Variants in LHFPL3 observed in about 807,000 individuals in gnomAD.
The protein encoded by LHFPL3 is LHFPL tetraspan subfamily member 3, also known as LHFPL tetraspan subfamily member 3 protein.
LHFPL3 carries 5 observed loss-of-function variants against 19.3 expected under a neutral mutation model. That is an observed-to-expected ratio of 0.26 (90% CI 0.14 to 0.54). The LOEUF is 0.54. LHFPL3 is among the 20% of genes least tolerant of loss of function. The pLI, the probability that LHFPL3 is intolerant of heterozygous loss-of-function variation, is 0.94. For missense variants in LHFPL3, 249 were observed against 307.4 expected (o/e 0.81, Z 1.42); for synonymous variants, 133 against 126.2 (o/e 1.05, Z -0.36).
At chr7:104,441,826 G>A (rs765312238) in intron 1 of LHFPL3, among the ~76,000 whole-genome samples, 14 of 152,090 alleles carry the variant, frequency 9.2e-5, no homozygotes, top group African/African-American at 2.4e-4. Context: ...CGCCCACCTC[G>A]GCCTCCCTAA....
intron 2 of LHFPL3, among the ~76,000 whole-genome samples, chr7:104,812,403 A>T (rs558869147): frequency 6.6e-6 from 1 of 152,228 alleles, no homozygotes; most frequent in Non-Finnish European, 1.5e-5. Flanking sequence ...ACATGGATGA[A>T]CCTTACAATG....
chr7:104,824,714 TTA>T lies in LHFPL3; in HGVS notation c.683-81463_683-81462del, dbSNP rs1372936461. Among the ~76,000 whole-genome samples, 229 of 101,910 alleles carry T rather than the reference TTA, an allele frequency of 2.2e-3. 5 individuals are homozygous for T. In the East Asian group the frequency reaches 0.029, roughly 13 times the overall value. 66.9% of individuals were successfully genotyped at this position (101,910 alleles called of 152,430 possible). ...TATATTATATATATTATATATATAATTATATATATATTTTTTGAAACAGAAGT... is the reference window on the plus strand; with the variant it reads ...TATATTATATATATTATATATATAATTATATATATTTTTTGAAACAGAAGT... On this transcript the variant is annotated intron_variant, in intron 2 of 2. Transcript: ENST00000424859.
intron 1 of LHFPL3, among the ~76,000 whole-genome samples, chr7:104,570,655 T>C (rs181803261): frequency 6.6e-6 from 1 of 152,346 alleles, no homozygotes; most frequent in African/African-American, 2.4e-5. Flanking sequence ...CTATCATCAG[T>C]GTCCATCCAC....
chr7:104,489,869 G>A (rs997730846), intron 1 of LHFPL3, among the ~76,000 whole-genome samples: 1 of 152,130 alleles, frequency 6.6e-6, no homozygotes, highest in Non-Finnish European at 1.5e-5. Flanking sequence ...GCGTGTGGCT[G>A]GGTACAAACA....
chr7:104,441,269 C>T (rs1792219261), intron 1 of LHFPL3, among the ~76,000 whole-genome samples: 2 of 152,086 alleles, frequency 1.3e-5, no homozygotes. Context: ...TTACATGCCT[C>T]ATATAAGTGA....
intron 1 of LHFPL3, among the ~76,000 whole-genome samples, chr7:104,692,629 G>A (rs1296682687): frequency 6.6e-6 from 1 of 152,244 alleles, no homozygotes; most frequent in East Asian, 1.9e-4. Context: ...TTCAGAGGGT[G>A]CAAGCCCCAA....
chr7:104,770,662 A>C (rs1428709663), intron 2 of LHFPL3, among the ~76,000 whole-genome samples: 3 of 152,142 alleles, frequency 2.0e-5, no homozygotes, highest in Non-Finnish European at 2.9e-5. Context: ...CCCATTGTGG[A>C]CATCAGTAAT....
intron 1 of LHFPL3, among the ~76,000 whole-genome samples, chr7:104,501,322 T>C (rs1226314376): frequency 6.6e-6 from 1 of 152,202 alleles, no homozygotes; most frequent in Non-Finnish European, 1.5e-5. Context: ...TTAAAAGCTA[T>C]TAAGTAAGAT....
Position 104,517,655 on chromosome 7 carries a change from C to T in LHFPL3, c.445+188431C>T, listed in dbSNP as rs62485135. Among the ~76,000 whole-genome samples, 1,081 of 151,954 alleles carry T rather than the reference C, an allele frequency of 7.1e-3. 18 individuals carry two copies. The East Asian group carries it at 0.076, about 11-fold the overall frequency. On this transcript the variant is annotated intron_variant, in intron 1 of 2. Coordinates refer to ENST00000424859, the MANE Select transcript of LHFPL3 (RefSeq NM_199000.3). ...CTGAATAATTGGGCTTACAGGCGCCCACCACCATGCCAGGCTAATTTTTTG... is the reference window on the plus strand; with the variant it reads ...CTGAATAATTGGGCTTACAGGCGCCTACCACCATGCCAGGCTAATTTTTTG...
intron 1 of LHFPL3, among the ~76,000 whole-genome samples, chr7:104,639,121 A>T (rs1459123511): frequency 6.6e-6 from 1 of 152,084 alleles, no homozygotes; most frequent in Non-Finnish European, 1.5e-5. Context: ...GAATTTTTAC[A>T]TCAATATTTC....
At chr7:104,460,833 G>A (rs1313104244) in intron 1 of LHFPL3, among the ~76,000 whole-genome samples, 1 of 152,132 alleles carries the variant, frequency 6.6e-6, no homozygotes, top group Non-Finnish European at 1.5e-5. Flanking sequence ...CTGTACAGAA[G>A]CTCTTAAGTT....
intron 1 of LHFPL3, among the ~76,000 whole-genome samples, chr7:104,576,836 CA>C (rs1166563288): frequency 6.6e-6 from 1 of 152,126 alleles, no homozygotes; most frequent in Non-Finnish European, 1.5e-5. Context: ...GCCCAAATTC[CA>C]AAAGCCATCA....
intron 1 of LHFPL3, among the ~76,000 whole-genome samples, chr7:104,504,785 C>T (rs1793664829): frequency 6.6e-6 from 1 of 152,154 alleles, no homozygotes; most frequent in Admixed American, 6.5e-5. Context: ...TTCAAGATAA[C>T]TTACTCAGGT....
chr7:104,732,522 A>G lies in LHFPL3; in HGVS notation c.446-4153A>G, dbSNP rs1236561422. On this transcript the variant is annotated intron_variant, in intron 1 of 2. Coordinates refer to ENST00000424859, the MANE Select transcript of LHFPL3 (RefSeq NM_199000.3). ...CTAGTTTGTTTTTGTAGAGGTGTTT[A>G]TAGTATTCTCTGATGGTATTTTGTC... 2.6e-5 allele frequency among the ~76,000 whole-genome samples: 4 copies of G among 152,096 alleles called. No individual in the cohort carries two copies. In the East Asian group the frequency reaches 7.7e-4, roughly 29 times the overall value.
chr7:104,527,596 C>T (rs1399900003), intron 1 of LHFPL3, among the ~76,000 whole-genome samples: 2 of 151,992 alleles, frequency 1.3e-5, no homozygotes, highest in South Asian at 2.1e-4. Context: ...TAGGTCAGTT[C>T]TTATGTTTAA....
chr7:104,497,515 G>A (rs548368763), intron 1 of LHFPL3, among the ~76,000 whole-genome samples: 136 of 152,002 alleles, frequency 8.9e-4, no homozygotes, highest in Non-Finnish European at 1.5e-3. Context: ...AGAGCTGACA[G>A]ATCTGCCACT....
At chr7:104,377,209 C>T (rs1790733378) in intron 1 of LHFPL3, among the ~76,000 whole-genome samples, 1 of 152,180 alleles carries the variant, frequency 6.6e-6, no homozygotes, top group South Asian at 2.1e-4. Context: ...TTTGCTGATT[C>T]ATTTGCCATC....
chr7:104,369,388 G>A (rs972215721), intron 1 of LHFPL3, among the ~76,000 whole-genome samples: 2 of 152,166 alleles, frequency 1.3e-5, no homozygotes, highest in African/African-American at 4.8e-5. Context: ...ACATGTTGTT[G>A]AATGTATCCA....
intron 1 of LHFPL3, among the ~76,000 whole-genome samples, chr7:104,625,161 G>T (rs1342443166): frequency 1.3e-5 from 2 of 152,124 alleles, no homozygotes; most frequent in Non-Finnish European, 2.9e-5. Context: ...CTTGCATTCA[G>T]TGCCCACCTG....
Sources: allele counts gnomAD v4.1 joint callset (sites outside exome capture counted in the v4.1 genomes callset), GRCh38; gene constraint gnomAD v4.1.1; transcripts MANE v1.5; gene names NCBI Gene and HGNC (gene_info 2026-07-23, HGNC 2026-07-21).